The following TMEM263 variants were observed in gnomAD, a reference collection of about 807,000 sequenced individuals.
TMEM263 encodes UPF0444 transmembrane protein C12orf23.
In TMEM263, 5 loss-of-function variants were observed where a neutral mutation model predicts 8.6. The observed-to-expected ratio is 0.58, with a 90% CI of 0.31 to 1.23. The LOEUF is 1.23. Among genes scored for constraint, TMEM263 ranks in the 50% most tolerant of loss-of-function variants. The pLI is 0.07. For synonymous variants in TMEM263, 50 were observed against 47.9 expected, an observed-to-expected ratio of 1.04 and a Z score of -0.18; for missense variants, 104 against 138.8, an observed-to-expected ratio of 0.75 and a Z score of 1.26.
intron 2 of TMEM263, among the ~76,000 whole-genome samples, chr12:106,963,711 T>C (rs771228455): frequency 7.5e-4 from 114 of 152,210 alleles, no homozygotes; most frequent in Admixed American, 4.2e-3. Flanking sequence ...ATTCATATTA[T>C]TTAGATTAAA....
At chr12:106,957,699 T>C (rs1025244495) in intron 2 of TMEM263, among the ~76,000 whole-genome samples, 1 of 152,210 alleles carries the variant, frequency 6.6e-6, no homozygotes, top group African/African-American at 2.4e-5. Context: ...TAATAGAGTA[T>C]TGTAATTCTG....
chr12:106,968,269 G>T (rs532631749), intron 3 of TMEM263, among the ~76,000 whole-genome samples: 1 of 152,002 alleles, frequency 6.6e-6, no homozygotes, highest in African/African-American at 2.4e-5. Flanking sequence ...AGCAACAAAG[G>T]GTTTACACTT....
intron 3 of TMEM263, among the ~76,000 whole-genome samples, chr12:106,970,653 G>A (rs1319885270): frequency 6.6e-6 from 1 of 152,134 alleles, no homozygotes; most frequent in African/African-American, 2.4e-5. Context: ...CATCTGTAGT[G>A]GTCCCAGACC....
At chr12:106,956,754 A>C (rs1951698272) in intron 1 of TMEM263, 1 of 152,286 alleles carries the variant, frequency 6.6e-6, no homozygotes, top group Non-Finnish European at 1.5e-5. Context: ...CTTCTTACAT[A>C]GAAATTCTGG....
rs530656400 is a variant in TMEM263 at position 106,973,393 on chromosome 12, C to A, written c.*2002C>A. Reference sequence around the variant, plus strand: ...TCCACTGTGCTTTGTGTCTGAATTTCTCAGTATAGACATTTTGTTTACTGT... The same window carrying A: ...TCCACTGTGCTTTGTGTCTGAATTTATCAGTATAGACATTTTGTTTACTGT... On this transcript the variant is annotated 3_prime_UTR_variant, in exon 4 of 4. Coordinates refer to ENST00000280756, the MANE Select transcript of TMEM263 (RefSeq NM_152261.4). The A allele has an allele frequency of 6.6e-6, 1 of 152,656 alleles. No individual in the cohort carries two copies. Among genetic ancestry groups the A allele is most frequent in the Non-Finnish European group, 1.5e-5 (1 of 67,982 alleles). 9.5% of individuals were successfully genotyped at this position (152,656 alleles called of 1,614,324 possible). A position where few individuals can be genotyped will look rare whatever the true frequency, so the allele number is the denominator to read the frequency against.
Position 106,972,973 on chromosome 12 carries a change from G to C in TMEM263, c.*1582G>C, listed in dbSNP as rs1389569835. The C allele has an allele frequency of 1.3e-5, 2 of 150,846 alleles. No individual in the cohort carries two copies. Among genetic ancestry groups the C allele is most frequent in the Non-Finnish European group, 2.9e-5 (2 of 67,810 alleles). The allele number at this position is 150,846 out of a possible 1,614,324, so 9.3% of individuals were successfully genotyped here. ...TGAAACAGACCATTCTAACACCCAA[G>C]GCTTGTTTATAAAATACTTGAGAAT... On this transcript the variant is annotated 3_prime_UTR_variant, in exon 4 of 4. Coordinates refer to ENST00000280756, the MANE Select transcript of TMEM263 (RefSeq NM_152261.4).
intron 2 of TMEM263, 102 bp from the exon 3 acceptor site, chr12:106,967,009 T>G (rs1310233217): frequency 4.1e-6 from 3 of 735,320 alleles, no homozygotes; most frequent in Non-Finnish European, 6.9e-6. Flanking sequence ...CAAAATGTTG[T>G]TTATCTGAAT....
chr12:106,962,519 T>G (rs1951792422), intron 2 of TMEM263, among the ~76,000 whole-genome samples: 1 of 152,244 alleles, frequency 6.6e-6, no homozygotes, highest in Non-Finnish European at 1.5e-5. Flanking sequence ...AAATATGAGC[T>G]GGCCAATTAA....
At chr12:106,971,040 G>A (rs1951912760) in intron 3 of TMEM263, 65 bp from the exon 4 acceptor site, 3 of 1,537,160 alleles carry the variant, frequency 2.0e-6, no homozygotes, top group Non-Finnish European at 2.7e-6. Flanking sequence ...ACTTAATGAT[G>A]TGTACTGCTC....
At chr12:106,960,563 C>T (rs1951758598) in intron 2 of TMEM263, among the ~76,000 whole-genome samples, 1 of 152,106 alleles carries the variant, frequency 6.6e-6, no homozygotes, top group Non-Finnish European at 1.5e-5. Context: ...ACATTTCACA[C>T]TCCTCTACAG....
At chr12:106,961,235 T>A (rs1951773726) in intron 2 of TMEM263, among the ~76,000 whole-genome samples, 1 of 64,870 alleles carries the variant, frequency 1.5e-5, no homozygotes, top group African/African-American at 5.1e-5. Flanking sequence ...TTTTTTTTTT[T>A]TTTTTTTTTT....
At chr12:106,964,873 A>G (rs757686232) in intron 2 of TMEM263, among the ~76,000 whole-genome samples, 22 of 152,184 alleles carry the variant, frequency 1.4e-4, no homozygotes, top group Non-Finnish European at 2.1e-4. Context: ...CAAGCCACCA[A>G]CATTTTTTGG....
At chr12:106,962,911 A>G (rs1015138418) in intron 2 of TMEM263, among the ~76,000 whole-genome samples, 1 of 152,236 alleles carries the variant, frequency 6.6e-6, no homozygotes, top group African/African-American at 2.4e-5. Context: ...CTCTGGTGAT[A>G]GAGTAGTGAA....
intron 2 of TMEM263, among the ~76,000 whole-genome samples, chr12:106,960,007 T>G (rs1174851065): frequency 6.6e-6 from 1 of 152,174 alleles, no homozygotes; most frequent in Non-Finnish European, 1.5e-5. Context: ...TAAGGTGTGA[T>G]GTACAAGATG....
chr12:106,965,641 T>G (rs1480445011), intron 2 of TMEM263, among the ~76,000 whole-genome samples: 2 of 151,344 alleles, frequency 1.3e-5, no homozygotes, highest in Non-Finnish European at 1.5e-5. Context: ...AAATAAAGTA[T>G]CACACCCTCT....
chr12:106,967,337 C>T (rs1205025045), intron 3 of TMEM263, 157 bp downstream of exon 3: 11 of 488,562 alleles, frequency 2.3e-5, no homozygotes, highest in South Asian at 1.7e-4. Context: ...TGGCCCACTG[C>T]AACCTCCGCT....
intron 2 of TMEM263, among the ~76,000 whole-genome samples, chr12:106,962,124 A>G (rs141283350): frequency 2.0e-3 from 311 of 152,342 alleles, no homozygotes; most frequent in Non-Finnish European, 3.9e-3. Flanking sequence ...TAAAAATACT[A>G]TATACAAATA....
chr12:106,970,198 T>G (rs1951900947), intron 3 of TMEM263, among the ~76,000 whole-genome samples: 1 of 152,198 alleles, frequency 6.6e-6, no homozygotes, highest in Admixed American at 6.5e-5. Context: ...ATGTATTTAC[T>G]TAATAGGGGT....
At position 106,973,377 on chromosome 12, in the gene TMEM263, C is replaced by T. The variant is rs974398720; in HGVS notation, c.*1986C>T. 6.6e-6 allele frequency: 1 copy of T among 152,528 alleles called. No individual in the cohort carries two copies. The highest frequency in any genetic ancestry group is 6.5e-5 in the Admixed American group (1 of 15,280). The allele number at this position is 152,528 out of a possible 1,614,324, so 9.4% of individuals were successfully genotyped here. The stretch of plus-strand genomic sequence containing the variant: ...TTCTACAGTTATAGACTCCACTGTG[C>T]TTTGTGTCTGAATTTCTCAGTATAG... On this transcript the variant is annotated 3_prime_UTR_variant, in exon 4 of 4. Coordinates refer to ENST00000280756, the MANE Select transcript of TMEM263 (RefSeq NM_152261.4).
Sources: gnomAD v4.1 joint callset for allele counts (sites outside exome capture counted in the v4.1 genomes callset) on GRCh38, gnomAD v4.1.1 for gene constraint, MANE v1.5 for transcripts, NCBI Gene and HGNC (gene_info 2026-07-23, HGNC 2026-07-21) for gene names.